Variants in ATP9A observed in about 807,000 individuals in gnomAD.
ATP9A encodes the protein ATPase phospholipid transporting 9A.
In ATP9A, 52 loss-of-function variants were observed where a neutral mutation model predicts 144.1. The ratio of observed to expected loss-of-function variants is 0.36; its 90% CI spans 0.29 to 0.45. The LOEUF is 0.45. Ranked by LOEUF, ATP9A falls within the 20% of genes least tolerant of loss-of-function variation. The probability of loss-of-function intolerance (pLI) is 1.00; values close to 1 mark genes in which losing one functional copy is unlikely to be tolerated. For synonymous variants in ATP9A, 582 were observed against 557.4 expected (o/e 1.04, Z -0.62); for missense variants, 947 against 1,392.7 (o/e 0.68, Z 5.09).
At chr20:51,754,500 T>C (rs760384545) in intron 1 of ATP9A, among the ~76,000 whole-genome samples, 2 of 150,810 alleles carry the variant, frequency 1.3e-5, no homozygotes, top group Non-Finnish European at 2.9e-5. Flanking sequence ...CAAAACTCCA[T>C]CTCGGGAAAA....
chr20:51,753,454 AAACAACAACAAC>A (rs11472926), intron 1 of ATP9A, among the ~76,000 whole-genome samples: 21 of 149,186 alleles, frequency 1.4e-4, no homozygotes, highest in African/African-American at 3.7e-4. Flanking sequence ...CCGTCTCAAA[AAACAACAACAAC>A]AACAACAACA....
chr20:51,665,991 AAAC>A lies in ATP9A; in HGVS notation c.1293+4003_1293+4005del, dbSNP rs573195794. ...GCCTACATTTCAACACTGGGAAAAT[AAAC>A]AACTGTGGAATTCCAGCCCCTTCCG... On this transcript the variant is annotated intron_variant, in intron 13 of 27. Transcript: ENST00000338821. Among the ~76,000 whole-genome samples the A allele has an allele frequency of 2.6e-5, 4 of 152,316 alleles. No individual in the cohort carries two copies. In the East Asian group the frequency reaches 7.7e-4, roughly 29 times the overall value.
intron 9 of ATP9A, among the ~76,000 whole-genome samples, chr20:51,682,630 G>C (rs1378349913): frequency 1.9e-5 from 2 of 107,354 alleles, no homozygotes; most frequent in Non-Finnish European, 3.6e-5. Context: ...CCCTCTTGTG[G>C]CCCAGGTTTG....
At chr20:51,658,893 G>GGGC (rs2077399400) in intron 13 of ATP9A, among the ~76,000 whole-genome samples, 1 of 119,674 alleles carries the variant, frequency 8.4e-6, no homozygotes, top group African/African-American at 3.5e-5. Context: ...ACTGGCGGGG[G>GGGC]GGGGGGGGGG....
At chr20:51,605,912 CAAA>C (rs77080495) in intron 26 of ATP9A, among the ~76,000 whole-genome samples, 1 of 102,484 alleles carries the variant, frequency 9.8e-6, no homozygotes, top group African/African-American at 3.7e-5. Flanking sequence ...GACTCTGTTA[CAAA>C]AAAAAAAAAA....
At chr20:51,617,653 T>A in intron 21 of ATP9A, 99 bp from the exon 22 acceptor site, 1 of 1,348,396 alleles carries the variant, frequency 7.4e-7, no homozygotes, top group East Asian at 2.5e-5. Flanking sequence ...CACGGAGCGC[T>A]TGCTGAGTGC....
chr20:51,712,941 G>A, intron 4 of ATP9A, 25 bp downstream of exon 4: 2 of 1,580,890 alleles, frequency 1.3e-6, no homozygotes, highest in Non-Finnish European at 1.7e-6. Flanking sequence ...CTGCAACCCT[G>A]TGGCCCAGGA....
At position 51,656,969 on chromosome 20, in the gene ATP9A, C is replaced by A; in HGVS notation, c.1475G>T (p.Cys492Phe). The change falls in exon 14 of 28, where the codon TGC (cysteine) becomes TTC (phenylalanine). Residue 492 changes from cysteine (C) to phenylalanine (F), a missense_variant. Physicochemically the swap from Cys to Phe is radical, Grantham distance 205. Coordinates refer to ENST00000338821, the MANE Select transcript of ATP9A (RefSeq NM_006045.3). ...GGGGCTGGATGCCTGGTATACGCGG[C>A]AGGAGTCTTCGTACTGCTTCTCGGC... ...AEAEKQYEDS[C>F]RVYQASSPDE... The A allele has an allele frequency of 6.2e-7, 1 of 1,614,114 alleles. No individual in the cohort carries two copies. Among genetic ancestry groups the A allele is most frequent in the Non-Finnish European group, 8.5e-7 (1 of 1,180,008 alleles).
At position 51,725,986 on chromosome 20, in the gene ATP9A, C is replaced by G. The variant is rs563647520; in HGVS notation, c.214-54G>C. On this transcript the variant is annotated intron_variant, in intron 2 of 27. Coordinates refer to ENST00000338821, the MANE Select transcript of ATP9A (RefSeq NM_006045.3). ...ACATTCAGGGCTTGTCTGATGAGAT[C>G]TGGAACATTTGGTGGGAAATGAATA... The G allele has an allele frequency of 1.0e-5, 11 of 1,068,330 alleles. 1 individual carries two copies. The South Asian group carries it at 1.4e-4, about 14-fold the overall frequency. The allele number at this position is 1,068,330 out of a possible 1,614,324, so 66.2% of individuals were successfully genotyped here. A position where few individuals can be genotyped will look rare whatever the true frequency, so the allele number is the denominator to read the frequency against.
intron 1 of ATP9A, among the ~76,000 whole-genome samples, chr20:51,749,416 C>T (rs2077822319): frequency 6.6e-6 from 1 of 152,076 alleles, no homozygotes; most frequent in South Asian, 2.1e-4. Context: ...CAGGTGCCCA[C>T]CACCATGCCC....
chr20:51,639,173 T>C (rs1425640246), intron 15 of ATP9A, among the ~76,000 whole-genome samples, 170 bp downstream of exon 15: 2 of 152,170 alleles, frequency 1.3e-5, no homozygotes, highest in Non-Finnish European at 2.9e-5. Flanking sequence ...TTACGGGGTG[T>C]GTCCAATGAA....
At chr20:51,696,551 T>G (rs2077571468) in intron 5 of ATP9A, among the ~76,000 whole-genome samples, 1 of 152,122 alleles carries the variant, frequency 6.6e-6, no homozygotes, top group Non-Finnish European at 1.5e-5. Context: ...ATGTTTGGCT[T>G]TTAGTGGATT....
At chr20:51,607,440 C>T (rs2122707747) in intron 26 of ATP9A, 87 bp downstream of exon 26, 2 of 1,255,510 alleles carry the variant, frequency 1.6e-6, no homozygotes, top group Non-Finnish European at 2.3e-6. Context: ...AGATTCGTTT[C>T]TTCTCTTCTT....
At chr20:51,696,404 T>C (rs2077570941) in intron 5 of ATP9A, among the ~76,000 whole-genome samples, 1 of 152,226 alleles carries the variant, frequency 6.6e-6, no homozygotes, top group Non-Finnish European at 1.5e-5. Flanking sequence ...GAGCTTCTAG[T>C]TTTCTGGCAC....
chr20:51,630,912 C>T (rs768777623), intron 15 of ATP9A, among the ~76,000 whole-genome samples: 11 of 152,136 alleles, frequency 7.2e-5, no homozygotes, highest in East Asian at 3.9e-4. Flanking sequence ...CTGGGGCACG[C>T]GGACCCTTTC....
At chr20:51,761,876 C>G (rs1385250678) in intron 1 of ATP9A, among the ~76,000 whole-genome samples, 1 of 152,144 alleles carries the variant, frequency 6.6e-6, no homozygotes, top group Non-Finnish European at 1.5e-5. Flanking sequence ...AGGAAGGTGT[C>G]AGCAGAGCCG....
intron 19 of ATP9A, among the ~76,000 whole-genome samples, chr20:51,621,373 G>A (rs1179836919): frequency 2.0e-5 from 3 of 152,050 alleles, no homozygotes; most frequent in Admixed American, 2.0e-4. Flanking sequence ...GGCGGGGTGA[G>A]GGCGAGACCC....
intron 1 of ATP9A, among the ~76,000 whole-genome samples, chr20:51,750,309 C>T (rs1309363085): frequency 6.6e-6 from 1 of 152,158 alleles, no homozygotes; most frequent in African/African-American, 2.4e-5. Flanking sequence ...AAACGTGCTC[C>T]GTCACTAAGC....
intron 16 of ATP9A, 79 bp downstream of exon 16, chr20:51,628,901 G>C: frequency 2.4e-6 from 3 of 1,237,932 alleles, no homozygotes; most frequent in Non-Finnish European, 3.5e-6. Context: ...CAAATACAGA[G>C]ACCCACCTTA....
Sources: gnomAD v4.1 joint callset for allele counts (sites outside exome capture counted in the v4.1 genomes callset) on GRCh38, gnomAD v4.1.1 for gene constraint, MANE v1.5 for transcripts, NCBI Gene and HGNC (gene_info 2026-07-23, HGNC 2026-07-21) for gene names.